The following ZWILCH variants were observed in gnomAD, a reference collection of about 807,000 sequenced individuals.
The protein encoded by ZWILCH is zwilch kinetochore protein, also known as protein zwilch homolog.
A neutral mutation model predicts 79.9 loss-of-function variants in ZWILCH; 74 were observed. The ratio of observed to expected loss-of-function variants is 0.93; its 90% CI spans 0.77 to 1.12. The LOEUF (loss-of-function observed/expected upper bound fraction) is 1.12, where lower values mean the gene tolerates loss of function less well. Ranked by LOEUF, ZWILCH falls within the 50% of genes most tolerant of loss-of-function variation. ZWILCH has a pLI of 0.00. For missense variants in ZWILCH, 694 were observed against 687.5 expected, an observed-to-expected ratio of 1.01 and a Z score of -0.11; for synonymous variants, 241 against 228.2, an observed-to-expected ratio of 1.06 and a Z score of -0.51.
At chr15:66,517,995 T>A (rs1372942869) in intron 4 of ZWILCH, among the ~76,000 whole-genome samples, 2 of 151,886 alleles carry the variant, frequency 1.3e-5, no homozygotes, top group African/African-American at 4.8e-5. Context: ...CCTCCCAAAG[T>A]GCTGGGATTA....
chr15:66,548,249 A>T (rs1051783315), intron 18 of ZWILCH, 102 bp from the exon 19 acceptor site: 106 of 321,444 alleles, frequency 3.3e-4, no homozygotes, highest in African/African-American at 2.0e-3. Context: ...TACATTCATT[A>T]TATACAGCAA....
chr15:66,544,724 T>TGTGTGTGTGTGTGTGTGTGTGTGTGTGTG (rs1555426548), intron 17 of ZWILCH, among the ~76,000 whole-genome samples: 1 of 128,490 alleles, frequency 7.8e-6, no homozygotes, highest in African/African-American at 3.1e-5. Context: ...TTTTTGGTTT[T>TGTGTGTGTGTGTGTGTGTGTGTGTGTGTG]TGTGTGTGTG....
At chr15:66,517,045 C>T (rs1396921120) in intron 4 of ZWILCH, among the ~76,000 whole-genome samples, 2 of 151,996 alleles carry the variant, frequency 1.3e-5, no homozygotes, top group African/African-American at 2.4e-5. Flanking sequence ...TTTTCCTGGA[C>T]ATCTGTTGGT....
At chr15:66,510,813 C>T (rs944134397) in intron 2 of ZWILCH, among the ~76,000 whole-genome samples, 5 of 152,194 alleles carry the variant, frequency 3.3e-5, no homozygotes, top group African/African-American at 1.2e-4. Context: ...ACACATCACT[C>T]AAATCTCTGC....
chr15:66,521,030 G>T lies in ZWILCH; in HGVS notation c.592-20G>T, dbSNP rs1168714929. On this transcript the variant is annotated intron_variant, in intron 6 of 18. Transcript: ENST00000307897. ...ATGTGGAAGCACAGCTAAATGATCT[G>T]CTGGGTACACTCTTTTCAGGTAACA... 3.1e-6 allele frequency: 5 copies of T among 1,612,858 alleles called. No homozygotes were observed. In the South Asian group the frequency reaches 3.3e-5, roughly 11 times the overall value.
In ZWILCH at chr15:66,540,083, T is replaced by G. The variant is rs1378251028; in HGVS notation, c.1575-15T>G. On this transcript the variant is annotated splice_polypyrimidine_tract_variant and intron_variant, in intron 16 of 18. Coordinates refer to ENST00000307897, the MANE Select transcript of ZWILCH (RefSeq NM_017975.5). ...TTTTGAAAATTTTTCTTTTGTCGTT[T>G]TATTCTTTCCTTAGTGAGAAGCCAC... 1 of 1,584,424 alleles carries G rather than the reference T, an allele frequency of 6.3e-7. No homozygotes were observed.
chr15:66,517,408 T>TTGTGTGCGTGTGTG (rs1458908093), intron 4 of ZWILCH, among the ~76,000 whole-genome samples: 8 of 44,136 alleles, frequency 1.8e-4, no homozygotes, highest in Non-Finnish European at 3.0e-4. Flanking sequence ...GATTTTGTGT[T>TTGTGTGCGTGTGTG]TGTGTGTGCG....
intron 3 of ZWILCH, 83 bp from the exon 4 acceptor site, chr15:66,515,443 C>T (rs573426565): frequency 3.2e-4 from 275 of 850,602 alleles, no homozygotes; most frequent in South Asian, 2.0e-3. Flanking sequence ...TTCTACTTGT[C>T]ATTATTCTGT....
intron 12 of ZWILCH, among the ~76,000 whole-genome samples, chr15:66,531,919 T>C (rs571371554): frequency 8.5e-4 from 129 of 152,006 alleles, no homozygotes; most frequent in African/African-American, 2.9e-3. Flanking sequence ...ATATAAAAAT[T>C]AGCCAGGTGC....
chr15:66,519,391 GACA>G (rs1894407844), intron 5 of ZWILCH, among the ~76,000 whole-genome samples: 1 of 152,162 alleles, frequency 6.6e-6, no homozygotes, highest in Admixed American at 6.6e-5. Flanking sequence ...TCCAATCGTA[GACA>G]TTTAATTGTA....
chr15:66,534,129 G>C (rs895073100), intron 14 of ZWILCH, among the ~76,000 whole-genome samples: 1 of 151,974 alleles, frequency 6.6e-6, no homozygotes. Context: ...TCAAAAAAAA[G>C]GGATGATTAT....
chr15:66,519,857 G>C (rs1359370521), intron 5 of ZWILCH, among the ~76,000 whole-genome samples: 1 of 152,176 alleles, frequency 6.6e-6, no homozygotes, highest in Non-Finnish European at 1.5e-5. Flanking sequence ...GGGTACCGTA[G>C]TGCATTCATA....
At chr15:66,524,059 C>T (rs1894594256) in intron 8 of ZWILCH, among the ~76,000 whole-genome samples, 1 of 151,960 alleles carries the variant, frequency 6.6e-6, no homozygotes, top group Admixed American at 6.6e-5. Context: ...CGATTGACAT[C>T]TTAGTTGTTT....
chr15:66,537,676 A>G (rs1895058801), intron 16 of ZWILCH, among the ~76,000 whole-genome samples: 1 of 152,174 alleles, frequency 6.6e-6, no homozygotes, highest in African/African-American at 2.4e-5. Flanking sequence ...GGGCAACAAG[A>G]GTGAAACTCC....
chr15:66,544,759 T>TGTGTGTGTGTGTGTGTGTGTGTGTGTG (rs1364942806), intron 17 of ZWILCH, among the ~76,000 whole-genome samples: 1 of 150,608 alleles, frequency 6.6e-6, no homozygotes, highest in African/African-American at 2.4e-5. Flanking sequence ...TGTGTGTGTG[T>TGTGTGTGTGTGTGTGTGTGTGTGTGTG]TTGAGATGGA....
At chr15:66,543,502 C>T (rs1025015446) in intron 17 of ZWILCH, among the ~76,000 whole-genome samples, 4 of 152,132 alleles carry the variant, frequency 2.6e-5, no homozygotes, top group Non-Finnish European at 5.9e-5. Flanking sequence ...TTTTGTAATC[C>T]TAGCACTTCG....
rs1257556149 is a variant in ZWILCH at position 66,514,051 on chromosome 15, GA to G, written c.173del (p.Asn58MetfsTer3). 6.2e-7 allele frequency: 1 copy of G among 1,611,792 alleles called. No individual in the cohort carries two copies. Among genetic ancestry groups the G allele is most frequent in the Non-Finnish European group, 8.5e-7 (1 of 1,178,868 alleles). On this transcript the variant is annotated frameshift_variant, in exon 3 of 19. Transcript: ENST00000307897. LOFTEE classifies it high-confidence loss of function. ...AAACCCTTTGAAAAATATTCTAAAT[GA>G]AAATGACATAGTATTCATAGTGGAA... ...QPNPLKNILN[E>X]NDIVFIVEKV...
intron 12 of ZWILCH, among the ~76,000 whole-genome samples, chr15:66,530,437 A>C (rs1379856580): frequency 6.6e-6 from 1 of 152,148 alleles, no homozygotes; most frequent in Non-Finnish European, 1.5e-5. Context: ...GGAGCTCGAG[A>C]CCAGCCTGGC....
At chr15:66,533,141 G>A in intron 14 of ZWILCH, 128 bp downstream of exon 14, 1 of 515,684 alleles carries the variant, frequency 1.9e-6, no homozygotes, top group Non-Finnish European at 3.3e-6. Flanking sequence ...AAGACAGTCA[G>A]TGCCCGTAGT....
Sources: gnomAD v4.1 joint callset for allele counts (sites outside exome capture counted in the v4.1 genomes callset) on GRCh38, gnomAD v4.1.1 for gene constraint, MANE v1.5 for transcripts, NCBI Gene and HGNC (gene_info 2026-07-23, HGNC 2026-07-21) for gene names.